C9orf72: variants seen among roughly 807,000 people sequenced by gnomAD.
C9orf72 encodes C9orf72-SMCR8 complex subunit.
C9orf72 carries 44 observed loss-of-function variants against 51.6 expected under a neutral mutation model. That is an observed-to-expected ratio of 0.85 (90% CI 0.67 to 1.10). The LOEUF (loss-of-function observed/expected upper bound fraction) is 1.10, where lower values mean the gene tolerates loss of function less well. Ranked by LOEUF, C9orf72 falls within the 50% of genes least tolerant of loss-of-function variation. C9orf72 has a pLI of 0.00. For missense variants in C9orf72, 607 were observed against 570.6 expected (o/e 1.06, Z -0.65); for synonymous variants, 213 against 194.2 (o/e 1.10, Z -0.81).
At chr9:27,567,457 C>T (rs1365859191) in intron 1 of C9orf72, among the ~76,000 whole-genome samples, 2 of 152,142 alleles carry the variant, frequency 1.3e-5, no homozygotes, top group East Asian at 3.8e-4. Flanking sequence ...TTAAATGTTA[C>T]ATACTAAAGC....
chr9:27,573,453 C>G lies in C9orf72; in HGVS notation c.-67G>C, dbSNP rs912273597. On this transcript the variant is annotated 5_prime_UTR_variant, in exon 1 of 11. Coordinates refer to ENST00000380003, the MANE Select transcript of C9orf72 (RefSeq NM_018325.5). The stretch of plus-strand genomic sequence containing the variant: ...CACCCACTCGCCACCGCCTGCGCCT[C>G]CGCCGCCGCGGGCGCAGGCACCGCA... 1 of 149,218 alleles carries G rather than the reference C, an allele frequency of 6.7e-6. No individual in the cohort carries two copies. Among genetic ancestry groups the G allele is most frequent in the African/African-American group, 2.5e-5 (1 of 40,496 alleles). The allele number at this position is 149,218 out of a possible 1,614,324, so 9.2% of individuals were successfully genotyped here. A position where few individuals can be genotyped will look rare whatever the true frequency, so the allele number is the denominator to read the frequency against.
intron 5 of C9orf72, 186 bp downstream of exon 5, chr9:27,561,399 C>T (rs1339123135): frequency 1.5e-6 from 2 of 1,360,522 alleles, no homozygotes; most frequent in African/African-American, 3.1e-5. Flanking sequence ...AATGGAATAA[C>T]ACCAAATATA....
intron 3 of C9orf72, among the ~76,000 whole-genome samples, chr9:27,562,799 G>A (rs1269010583): frequency 6.6e-6 from 1 of 151,586 alleles, no homozygotes; most frequent in Non-Finnish European, 1.5e-5. Context: ...ATCCTCCCAA[G>A]TAGCTGGGAC....
intron 8 of C9orf72, among the ~76,000 whole-genome samples, chr9:27,551,574 C>G (rs932769711): frequency 2.0e-5 from 3 of 152,154 alleles, no homozygotes; most frequent in Non-Finnish European, 4.4e-5. Flanking sequence ...TGTGTAGAAG[C>G]AAACAGGAAG....
chr9:27,556,240 A>T (rs1474710147), intron 8 of C9orf72, among the ~76,000 whole-genome samples: 1 of 152,110 alleles, frequency 6.6e-6, no homozygotes, highest in African/African-American at 2.4e-5. Context: ...TACACAATGT[A>T]GGGGCTGGGG....
Position 27,556,585 on chromosome 9 carries a change from G to C in C9orf72, c.1067C>G (p.Thr356Ser). The C allele has an allele frequency of 6.2e-7, 1 of 1,613,264 alleles. No individual in the cohort carries two copies. Among genetic ancestry groups the C allele is most frequent in the African/African-American group, 1.3e-5 (1 of 75,016 alleles). ...CAAATCAGGAGTAAAGCTTTCGTCA[G>C]TGTAGATGATCGTATCCTGAGCCAT... ...EDMAQDTIIYTDESFTPDLNI... is the reference protein window; with the variant it reads ...EDMAQDTIIYSDESFTPDLNI... Residue 356 changes from threonine (T) to serine (S), a missense_variant, in exon 8 of 11, where the codon ACT becomes AGT. Physicochemically the swap from Thr to Ser is moderately conservative, Grantham distance 58. Coordinates refer to ENST00000380003, the MANE Select transcript of C9orf72 (RefSeq NM_018325.5).
intron 3 of C9orf72, among the ~76,000 whole-genome samples, chr9:27,562,717 G>C (rs1004439436): frequency 2.0e-4 from 30 of 149,796 alleles, no homozygotes; most frequent in Non-Finnish European, 4.4e-4. Flanking sequence ...TCATTGCTCA[G>C]GCTGGAGTGC....
intron 1 of C9orf72, among the ~76,000 whole-genome samples, chr9:27,572,266 A>C (rs983651060): frequency 1.3e-5 from 2 of 152,194 alleles, no homozygotes; most frequent in African/African-American, 4.8e-5. Flanking sequence ...GCAGTTTCCA[A>C]CTGATTCAGG....
At chr9:27,573,512 C>T (rs1267186634), upstream of C9orf72, 1 of 66,922 alleles carries the variant, frequency 1.5e-5, no homozygotes, top group East Asian at 5.7e-4. Context: ...CCCCCGGGCC[C>T]GCCCCGACCA....
At chr9:27,555,701 C>A (rs1820994635) in intron 8 of C9orf72, among the ~76,000 whole-genome samples, 1 of 151,864 alleles carries the variant, frequency 6.6e-6, no homozygotes, top group African/African-American at 2.4e-5. Context: ...GCTAGGATTA[C>A]AGGCACACAG....
At chr9:27,567,590 C>G (rs1187479746) in intron 1 of C9orf72, among the ~76,000 whole-genome samples, 1 of 152,142 alleles carries the variant, frequency 6.6e-6, no homozygotes, top group Non-Finnish European at 1.5e-5. Context: ...AAAGGCTCAG[C>G]TAGAGACTGA....
intron 4 of C9orf72, 62 bp downstream of exon 4, chr9:27,562,319 C>A: frequency 1.6e-6 from 1 of 635,534 alleles, no homozygotes. Flanking sequence ...TAATAATATA[C>A]ATAATAATAC....
rs11292923 is a variant in C9orf72, at chr9:27,548,435, GAAAAAAAAAAAAAAAA to G, written c.1260-29_1260-14del. On this transcript the variant is annotated splice_polypyrimidine_tract_variant and intron_variant, in intron 10 of 10. Coordinates refer to ENST00000380003, the MANE Select transcript of C9orf72 (RefSeq NM_018325.5). Reference sequence around the variant, plus strand: ...TTTTCCCTTCTGCCTAAAAATAATGGAAAAAAAAAAAAAAAAAAAAAAAAAAGAAGCGCAAAAATTA... The same window carrying G: ...TTTTCCCTTCTGCCTAAAAATAATGGAAAAAAAAAAGAAGCGCAAAAATTA... 1 of 174,266 alleles carries G rather than the reference GAAAAAAAAAAAAAAAA, an allele frequency of 5.7e-6. No individual in the cohort carries two copies. The highest frequency in any genetic ancestry group is 9.2e-6 in the Non-Finnish European group (1 of 109,050). The allele number at this position is 174,266 out of a possible 1,614,324, so 10.8% of individuals were successfully genotyped here. A position where few individuals can be genotyped will look rare whatever the true frequency, so the allele number is the denominator to read the frequency against.
chr9:27,568,473 C>G (rs564358412), intron 1 of C9orf72, among the ~76,000 whole-genome samples: 2 of 152,316 alleles, frequency 1.3e-5, no homozygotes, highest in East Asian at 3.9e-4. Flanking sequence ...TCTTGGTCCC[C>G]TTGCTCAACT....
At position 27,561,570 on chromosome 9, in the gene C9orf72, A is replaced by G. The variant is rs1819349079; in HGVS notation, c.665+15T>C. The G allele has an allele frequency of 6.2e-7, 1 of 1,611,368 alleles. No homozygotes were observed. Among genetic ancestry groups the G allele is most frequent in the East Asian group, 2.2e-5 (1 of 44,744 alleles). On this transcript the variant is annotated intron_variant, in intron 5 of 10. Coordinates refer to ENST00000380003, the MANE Select transcript of C9orf72 (RefSeq NM_018325.5). ...ATCTGCTTCATCCAGCTTTTATGAA[A>G]AGAAAAATTCTTACTTGAGAAGAAA...
chr9:27,557,909 T>C (rs1158221677), intron 7 of C9orf72, among the ~76,000 whole-genome samples: 1 of 151,884 alleles, frequency 6.6e-6, no homozygotes, highest in Non-Finnish European at 1.5e-5. Flanking sequence ...TCTTCACGTC[T>C]TGGGACTATA....
chr9:27,557,908 C>T (rs1444425046), intron 7 of C9orf72, among the ~76,000 whole-genome samples: 1 of 151,804 alleles, frequency 6.6e-6, no homozygotes, highest in East Asian at 1.9e-4. Context: ...TTCTTCACGT[C>T]TTGGGACTAT....
At chr9:27,568,702 T>C (rs1819524194) in intron 1 of C9orf72, among the ~76,000 whole-genome samples, 1 of 152,232 alleles carries the variant, frequency 6.6e-6, no homozygotes, top group South Asian at 2.1e-4. Context: ...CTTAGTACTA[T>C]TTTGCAAGTT....
Position 27,548,725 on chromosome 9 carries a change from TTTCTA to T in C9orf72, c.1150-64_1150-60del, listed in dbSNP as rs1244620045. 9 of 968,660 alleles carry T rather than the reference TTTCTA, an allele frequency of 9.3e-6. No homozygotes were observed. The Admixed American group carries it at 1.3e-4, about 14-fold the overall frequency. 60.0% of individuals were successfully genotyped at this position (968,660 alleles called of 1,614,324 possible). On this transcript the variant is annotated intron_variant, in intron 9 of 10. Coordinates refer to ENST00000380003, the MANE Select transcript of C9orf72 (RefSeq NM_018325.5). Reference sequence around the variant, plus strand: ...TGCTCACATTCTACTCGTACAGAAGTTTCTATGACAGTGTTGACAGTGCTTGGCAG... The same window carrying T: ...TGCTCACATTCTACTCGTACAGAAGTTGACAGTGTTGACAGTGCTTGGCAG...
Sources: gnomAD v4.1 joint callset for allele counts (sites outside exome capture counted in the v4.1 genomes callset) on GRCh38, gnomAD v4.1.1 for gene constraint, MANE v1.5 for transcripts, NCBI Gene and HGNC (gene_info 2026-07-23, HGNC 2026-07-21) for gene names.